SORCS2: variants seen among roughly 807,000 people sequenced by gnomAD.
SORCS2 encodes the protein sortilin related VPS10 domain containing receptor 2.
SORCS2 carries 100 observed loss-of-function variants against 141.6 expected under a neutral mutation model. The ratio of observed to expected loss-of-function variants is 0.71; its 90% CI spans 0.60 to 0.83. The LOEUF (loss-of-function observed/expected upper bound fraction) is 0.83, where lower values mean the gene tolerates loss of function less well. Among genes scored for constraint, SORCS2 ranks in the 40% least tolerant of loss-of-function variants. The pLI is 0.00. For missense variants in SORCS2, 1,646 were observed against 1,560.2 expected (o/e 1.05, Z -0.93); for synonymous variants, 789 against 676.9 (o/e 1.17, Z -2.57).
intron 2 of SORCS2, among the ~76,000 whole-genome samples, chr4:7,464,241 C>T (rs1560306625): frequency 6.6e-6 from 1 of 152,164 alleles, no homozygotes; most frequent in Non-Finnish European, 1.5e-5. Context: ...CATGAGTGAG[C>T]CCCTAACTCT....
intron 1 of SORCS2, among the ~76,000 whole-genome samples, chr4:7,287,440 T>TG (rs1279447108): frequency 6.6e-6 from 1 of 152,160 alleles, no homozygotes; most frequent in Non-Finnish European, 1.5e-5. Flanking sequence ...GAGCTGGGCG[T>TG]GGGGGCACAT....
At position 7,536,839 on chromosome 4, in the gene SORCS2, G is replaced by T. The variant is rs112983901; in HGVS notation, c.648+5210G>T. Among the ~76,000 whole-genome samples the T allele has an allele frequency of 4.4e-4, 20 of 44,982 alleles. No individual in the cohort carries two copies. In the South Asian group the frequency reaches 0.042, roughly 94 times the overall value. The allele number at this position is 44,982 out of a possible 152,430, so 29.5% of individuals were successfully genotyped here. ...TGTCCCCATACTCAGATGTGGGGGG[G>T]GGGGGCGGGCAGGGCCCACCTCGAG... On this transcript the variant is annotated intron_variant, in intron 3 of 26. Coordinates refer to ENST00000507866, the MANE Select transcript of SORCS2 (RefSeq NM_020777.3).
intron 14 of SORCS2, among the ~76,000 whole-genome samples, chr4:7,706,000 G>T (rs1252977639): frequency 6.6e-6 from 1 of 152,168 alleles, no homozygotes; most frequent in Non-Finnish European, 1.5e-5. Context: ...GCTGGCCTCT[G>T]CCTGGACAGG....
At chr4:7,697,679 G>A (rs372564204) in intron 12 of SORCS2, among the ~76,000 whole-genome samples, 149 of 152,268 alleles carry the variant, frequency 9.8e-4, no homozygotes, top group African/African-American at 3.2e-3. Flanking sequence ...TCTTTTGGGA[G>A]CCCAGAGAGA....
intron 2 of SORCS2, among the ~76,000 whole-genome samples, chr4:7,518,644 G>A (rs2109494766): frequency 6.6e-6 from 1 of 152,276 alleles, no homozygotes; most frequent in African/African-American, 2.4e-5. Context: ...CCCAGCAGCG[G>A]GAGAAAGAGG....
At chr4:7,355,310 C>T (rs1430189827) in intron 1 of SORCS2, among the ~76,000 whole-genome samples, 1 of 152,148 alleles carries the variant, frequency 6.6e-6, no homozygotes, top group Non-Finnish European at 1.5e-5. Context: ...GCCCCACCAT[C>T]GCACAGATCT....
chr4:7,193,152 C>G lies in SORCS2; in HGVS notation c.480+26C>G. 1.3e-6 allele frequency: 2 copies of G among 1,493,040 alleles called. No homozygotes were observed. The highest frequency in any genetic ancestry group is 8.9e-7 in the Non-Finnish European group (1 of 1,129,338). The allele number at this position is 1,493,040 out of a possible 1,614,324, so 92.5% of individuals were successfully genotyped here. A position where few individuals can be genotyped will look rare whatever the true frequency, so the allele number is the denominator to read the frequency against. On this transcript the variant is annotated intron_variant, in intron 1 of 26. Transcript: ENST00000507866. The surrounding 1 kb of genome is among the most constrained non-coding windows in gnomAD (Gnocchi z 4.8). ...GTAAGTGACCTCCACGCGCTCGCCGCGGCCCCTACCCGGGACACCGCGGGA... is the reference window on the plus strand; with the variant it reads ...GTAAGTGACCTCCACGCGCTCGCCGGGGCCCCTACCCGGGACACCGCGGGA...
chr4:7,321,893 C>G (rs377082282), intron 1 of SORCS2, among the ~76,000 whole-genome samples: 3 of 152,002 alleles, frequency 2.0e-5, no homozygotes, highest in Non-Finnish European at 4.4e-5. Context: ...GAAAGGTGTT[C>G]GATTTTACTT....
At chr4:7,258,367 G>A (rs1016881197) in intron 1 of SORCS2, among the ~76,000 whole-genome samples, 7 of 152,110 alleles carry the variant, frequency 4.6e-5, no homozygotes, top group Non-Finnish European at 8.8e-5. Context: ...TCATTGTTCA[G>A]CTCCCATTTA....
chr4:7,578,513 A>G (rs1715921599), intron 3 of SORCS2, among the ~76,000 whole-genome samples: 1 of 152,322 alleles, frequency 6.6e-6, no homozygotes, highest in African/African-American at 2.4e-5. Context: ...AATTACTTCC[A>G]GTTAATTTGT....
At chr4:7,329,705 C>T (rs924112504) in intron 1 of SORCS2, among the ~76,000 whole-genome samples, 4 of 152,162 alleles carry the variant, frequency 2.6e-5, no homozygotes, top group African/African-American at 7.2e-5. Context: ...TACAGACAGC[C>T]CCCAACTTAC....
At chr4:7,303,559 T>C (rs886575287) in intron 1 of SORCS2, among the ~76,000 whole-genome samples, 4 of 152,188 alleles carry the variant, frequency 2.6e-5, no homozygotes, top group Non-Finnish European at 5.9e-5. Context: ...TTGAGTGACG[T>C]AGGGCTTAAA....
At chr4:7,377,549 A>G (rs1490438141) in intron 1 of SORCS2, among the ~76,000 whole-genome samples, 6 of 152,206 alleles carry the variant, frequency 3.9e-5, no homozygotes, top group Admixed American at 1.3e-4. Flanking sequence ...TTAACTTTCA[A>G]TCACTGTTAA....
At chr4:7,531,079 C>T (rs1336897042) in intron 2 of SORCS2, among the ~76,000 whole-genome samples, 5 of 152,110 alleles carry the variant, frequency 3.3e-5, no homozygotes, top group African/African-American at 9.7e-5. Flanking sequence ...AGGAATGCCT[C>T]GGCACAGCCA....
At chr4:7,345,385 G>T (rs1159477389) in intron 1 of SORCS2, among the ~76,000 whole-genome samples, 1 of 152,212 alleles carries the variant, frequency 6.6e-6, no homozygotes, top group Admixed American at 6.5e-5. Flanking sequence ...TCATGCTGTT[G>T]TTGGAAGGGG....
intron 2 of SORCS2, chr4:7,434,309 C>T: frequency 6.2e-7 from 1 of 1,611,828 alleles, no homozygotes; most frequent in Non-Finnish European, 8.5e-7. Flanking sequence ...AGTCGGGAGA[C>T]CTGCCGTACA....
intron 17 of SORCS2, 86 bp downstream of exon 17, chr4:7,715,397 C>G: frequency 4.5e-6 from 7 of 1,553,608 alleles, no homozygotes; most frequent in Non-Finnish European, 5.2e-6. Context: ...CTGGCTGGTG[C>G]CTGCAGCTCC....
chr4:7,205,391 G>T (rs1727677514), intron 1 of SORCS2, among the ~76,000 whole-genome samples: 1 of 152,234 alleles, frequency 6.6e-6, no homozygotes, highest in African/African-American at 2.4e-5. Flanking sequence ...TATAGATCCA[G>T]AGGAAACCAA....
At chr4:7,408,386 G>GT (rs148455545) in intron 2 of SORCS2, among the ~76,000 whole-genome samples, 5,099 of 149,928 alleles carry the variant, frequency 0.034, 141 homozygotes, top group East Asian at 0.15. Context: ...TTGGATGACA[G>GT]TTTTTTTTTT....
Sources: allele counts gnomAD v4.1 joint callset (sites outside exome capture counted in the v4.1 genomes callset), GRCh38; gene constraint gnomAD v4.1.1; non-coding constraint Gnocchi (gnomAD v3.1); transcripts MANE v1.5; gene names NCBI Gene and HGNC (gene_info 2026-07-23, HGNC 2026-07-21).